The following DOCK2 variants were observed in gnomAD, a reference collection of about 807,000 sequenced individuals.
The protein encoded by DOCK2 is dedicator of cytokinesis protein 2.
A neutral mutation model predicts 248.9 loss-of-function variants in DOCK2; 87 were observed. That is an observed-to-expected ratio of 0.35 (90% CI 0.29 to 0.42). The LOEUF is 0.42. Among genes scored for constraint, DOCK2 ranks in the 10% least tolerant of loss-of-function variants. The pLI is 1.00. For synonymous variants in DOCK2, 805 were observed against 821.6 expected (o/e 0.98, Z 0.35); for missense variants, 1,747 against 2,300.2 (o/e 0.76, Z 4.92).
chr5:170,008,394 C>A lies in DOCK2; in HGVS notation c.3073-103C>A. 1.1e-5 allele frequency: 14 copies of A among 1,235,450 alleles called. 1 individual carries two copies. In the South Asian group the frequency reaches 1.3e-4, roughly 11 times the overall value. 76.5% of individuals were successfully genotyped at this position (1,235,450 alleles called of 1,614,324 possible). A position where few individuals can be genotyped will look rare whatever the true frequency, so the allele number is the denominator to read the frequency against. On this transcript the variant is annotated intron_variant, in intron 30 of 51. Transcript: ENST00000520908. ...AGTGGGCACAATTAAACTGGTTCGG[C>A]CTCTGTCTTCTGCCATCTTCATAAA...
intron 25 of DOCK2, among the ~76,000 whole-genome samples, chr5:169,777,598 T>A (rs941881523): frequency 3.3e-5 from 5 of 152,182 alleles, no homozygotes; most frequent in Non-Finnish European, 7.4e-5. Flanking sequence ...AGGACAGTTG[T>A]TCAGAATAAG....
intron 27 of DOCK2, among the ~76,000 whole-genome samples, chr5:169,982,278 T>C (rs1183731477): frequency 6.6e-6 from 1 of 152,108 alleles, no homozygotes; most frequent in Non-Finnish European, 1.5e-5. Flanking sequence ...TCTCCCTGAA[T>C]GCTGCTTGCA....
chr5:169,787,639 A>G (rs1581188878), intron 25 of DOCK2, among the ~76,000 whole-genome samples: 1 of 150,018 alleles, frequency 6.7e-6, no homozygotes, highest in Non-Finnish European at 1.5e-5. Flanking sequence ...CCAGCTTCCC[A>G]TACTCATTTC....
At chr5:169,855,672 G>A (rs1770851363) in intron 27 of DOCK2, among the ~76,000 whole-genome samples, 1 of 152,160 alleles carries the variant, frequency 6.6e-6, no homozygotes, top group Non-Finnish European at 1.5e-5. Context: ...ACATGGAAGA[G>A]ACCAAGGATC....
At chr5:169,741,915 T>C (rs762106811) in intron 22 of DOCK2, among the ~76,000 whole-genome samples, 62 of 147,554 alleles carry the variant, frequency 4.2e-4, no homozygotes, top group Non-Finnish European at 7.9e-4. Context: ...GTTCACGCCA[T>C]CCTCCTGCCT....
intron 22 of DOCK2, among the ~76,000 whole-genome samples, chr5:169,730,487 T>C (rs262875): frequency 0.32 from 48,800 of 152,030 alleles, 11,645 homozygotes; most frequent in African/African-American, 0.66. Context: ...TCTAGGCACA[T>C]TGCAAACTGC....
At chr5:169,774,761 A>G (rs7735163) in intron 25 of DOCK2, among the ~76,000 whole-genome samples, 67,876 of 151,972 alleles carry the variant, frequency 0.45, 16,118 homozygotes, top group African/African-American at 0.59. Flanking sequence ...GTATTTTTAC[A>G]ACTCAGATTT....
chr5:169,861,286 A>G (rs749259704), intron 27 of DOCK2, among the ~76,000 whole-genome samples: 6 of 152,250 alleles, frequency 3.9e-5, no homozygotes, highest in Non-Finnish European at 5.9e-5. Flanking sequence ...AACCCAAGCT[A>G]GTAATGGAGT....
At chr5:169,899,718 A>G (rs909863124) in intron 27 of DOCK2, among the ~76,000 whole-genome samples, 4 of 152,180 alleles carry the variant, frequency 2.6e-5, no homozygotes, top group Admixed American at 6.5e-5. Context: ...GAGACTTTCA[A>G]TGTTCCTTTC....
At chr5:169,680,925 G>A (rs1759622825) in intron 6 of DOCK2, among the ~76,000 whole-genome samples, 1 of 151,614 alleles carries the variant, frequency 6.6e-6, no homozygotes, top group Non-Finnish European at 1.5e-5. Flanking sequence ...TTGTTTATTT[G>A]TTTTATTGTT....
At chr5:169,989,267 A>G (rs1384216626) in intron 29 of DOCK2, among the ~76,000 whole-genome samples, 2 of 152,216 alleles carry the variant, frequency 1.3e-5, no homozygotes, top group Non-Finnish European at 2.9e-5. Context: ...GCTGCAACAC[A>G]GTAAGATCTG....
intron 44 of DOCK2, among the ~76,000 whole-genome samples, chr5:170,066,465 C>T (rs561486392): frequency 2.6e-4 from 40 of 152,266 alleles, no homozygotes; most frequent in African/African-American, 9.1e-4. Flanking sequence ...CAATACCTAA[C>T]TTTTCAACAT....
intron 26 of DOCK2, among the ~76,000 whole-genome samples, chr5:169,803,945 G>T (rs1767150443): frequency 6.6e-6 from 1 of 152,140 alleles, no homozygotes; most frequent in Non-Finnish European, 1.5e-5. Context: ...GGTTCCTCTG[G>T]CAGCTCCTCT....
At chr5:169,971,428 C>CTT (rs34124700) in intron 27 of DOCK2, among the ~76,000 whole-genome samples, 16 of 135,204 alleles carry the variant, frequency 1.2e-4, no homozygotes, top group Non-Finnish European at 1.6e-4. Flanking sequence ...CTCCTAGAGC[C>CTT]TTTTTTTTTT....
chr5:169,984,712 A>G (rs1778023087), intron 28 of DOCK2, among the ~76,000 whole-genome samples: 1 of 152,142 alleles, frequency 6.6e-6, no homozygotes, highest in Admixed American at 6.6e-5. Context: ...TATATTTTAT[A>G]TATTGGGCTC....
chr5:169,995,523 A>G (rs1031800441), intron 29 of DOCK2, among the ~76,000 whole-genome samples: 1 of 152,264 alleles, frequency 6.6e-6, no homozygotes, highest in Non-Finnish European at 1.5e-5. Flanking sequence ...CTCTTCAGTG[A>G]TTAAAAAGGA....
intron 27 of DOCK2, among the ~76,000 whole-genome samples, chr5:169,916,392 T>G (rs1378722549): frequency 6.6e-6 from 1 of 152,192 alleles, no homozygotes; most frequent in Non-Finnish European, 1.5e-5. Flanking sequence ...TTTCTGGCCC[T>G]CCTATCACCC....
chr5:170,016,360 C>T (rs1170684715), intron 32 of DOCK2, among the ~76,000 whole-genome samples: 1 of 152,228 alleles, frequency 6.6e-6, no homozygotes, highest in Admixed American at 6.5e-5. Context: ...CAATTAGCCA[C>T]AAATGTGTTC....
chr5:169,784,615 G>A (rs779916452), intron 25 of DOCK2, among the ~76,000 whole-genome samples: 15 of 152,272 alleles, frequency 9.9e-5, no homozygotes, highest in South Asian at 6.2e-4. Context: ...TTATGTCAAC[G>A]ATTGTGTATC....
Sources: gnomAD v4.1 joint callset for allele counts (sites outside exome capture counted in the v4.1 genomes callset) on GRCh38, gnomAD v4.1.1 for gene constraint, MANE v1.5 for transcripts, NCBI Gene and HGNC (gene_info 2026-07-23, HGNC 2026-07-21) for gene names.